The following FGF13 variants were observed in gnomAD, a reference collection of about 807,000 sequenced individuals.
FGF13 encodes fibroblast growth factor 13, also known as fibroblast growth factor homologous factor 2.
Under a neutral mutation model 19.5 loss-of-function variants are expected in FGF13, and 2 were observed. The ratio of observed to expected loss-of-function variants is 0.10; its 90% CI spans 0.04 to 0.32. The LOEUF (loss-of-function observed/expected upper bound fraction) is 0.32. Among genes scored for constraint, FGF13 ranks in the 10% least tolerant of loss-of-function variants. The pLI, the probability that FGF13 is intolerant of heterozygous loss-of-function variation, is 1.00. For synonymous variants in FGF13, 72 were observed against 76.9 expected (o/e 0.94, Z 0.33); for missense variants, 113 against 192.7 (o/e 0.59, Z 2.45).
intron 1 of FGF13, among the ~76,000 whole-genome samples, chrX:139,146,954 C>G (rs953994685): frequency 9.6e-6 from 1 of 104,661 alleles, no homozygotes; most frequent in Non-Finnish European, 2.0e-5. Context: ...GAACATCACA[C>G]ACCGGGGCCT....
chrX:139,047,354 T>A (rs2092290652), intron 1 of FGF13, among the ~76,000 whole-genome samples: 1 of 111,598 alleles, frequency 9.0e-6, no homozygotes, highest in African/African-American at 3.3e-5. Context: ...TCACCTCACA[T>A]CCTTATTATT....
At chrX:138,746,858 G>A (rs2090360171) in intron 3 of FGF13, among the ~76,000 whole-genome samples, 1 of 112,354 alleles carries the variant, frequency 8.9e-6, no homozygotes. Context: ...TCCTTGGCCA[G>A]TGTGGCCAGG....
intron 1 of FGF13, among the ~76,000 whole-genome samples, chrX:138,737,226 G>C (rs769658446): frequency 9.0e-6 from 1 of 111,315 alleles, no homozygotes; most frequent in Non-Finnish European, 1.9e-5. Flanking sequence ...TGTGGATGCG[G>C]TGGCTGGGAC....
chrX:138,789,247 C>A (rs2090719299), intron 3 of FGF13, among the ~76,000 whole-genome samples: 1 of 110,643 alleles, frequency 9.0e-6, no homozygotes, highest in Admixed American at 9.6e-5. Context: ...CAGCTCACTG[C>A]AACCTCCGCC....
At chrX:139,132,424 G>A (rs1355978257) in intron 1 of FGF13, among the ~76,000 whole-genome samples, 1 of 112,319 alleles carries the variant, frequency 8.9e-6, no homozygotes, top group Non-Finnish European at 1.9e-5. Context: ...ATGTAAGAGA[G>A]CATGTTGGTA....
chrX:139,044,710 A>G (rs1272051143), intron 1 of FGF13, among the ~76,000 whole-genome samples: 5 of 111,568 alleles, frequency 4.5e-5, no homozygotes, highest in African/African-American at 1.3e-4. Context: ...CAAGGAAGTC[A>G]TTAAGTCTTA....
intron 1 of FGF13, among the ~76,000 whole-genome samples, chrX:138,724,508 G>A (rs1398310010): frequency 2.7e-5 from 3 of 111,913 alleles, no homozygotes; most frequent in African/African-American, 9.7e-5. Context: ...TTAAAAAGGA[G>A]GAGTTAGCAA....
chrX:138,720,630 C>G (rs774468027), intron 1 of FGF13, among the ~76,000 whole-genome samples: 1 of 111,466 alleles, frequency 9.0e-6, no homozygotes, highest in Non-Finnish European at 1.9e-5. Context: ...TTTCAGAGCC[C>G]AAAGAGGGTG....
chrX:138,773,993 G>A (rs1489767152), intron 3 of FGF13, among the ~76,000 whole-genome samples: 1 of 111,050 alleles, frequency 9.0e-6, no homozygotes, highest in Non-Finnish European at 1.9e-5. Flanking sequence ...AAGCCCCCAT[G>A]AGCCATTCAT....
intron 1 of FGF13, among the ~76,000 whole-genome samples, chrX:139,114,605 G>C (rs2083626414): frequency 9.0e-6 from 1 of 110,597 alleles, no homozygotes; most frequent in Non-Finnish European, 1.9e-5. Context: ...GTTCAACGAG[G>C]AAAAAAAAGT....
chrX:138,943,984 T>A (rs2091770826), intron 1 of FGF13, among the ~76,000 whole-genome samples: 1 of 111,607 alleles, frequency 9.0e-6, no homozygotes, highest in African/African-American at 3.3e-5. Flanking sequence ...ACTGGTTGTT[T>A]AATGAATTCA....
chrX:139,018,205 G>T (rs2092162245), intron 1 of FGF13, among the ~76,000 whole-genome samples: 1 of 111,645 alleles, frequency 9.0e-6, no homozygotes, highest in Admixed American at 9.5e-5. Context: ...CTTCCAGATT[G>T]TATCAAATGT....
Position 138,978,945 on chromosome X carries a change from A to G in FGF13, c.-112-114295T>C, listed in dbSNP as rs191891866. The stretch of plus-strand genomic sequence containing the variant: ...AACTATTCCAAAAAAAATGATAAGC[A>G]TCAAGAGATTTAGGCCCCATGATGA... On this transcript the variant is annotated intron_variant, in intron 1 of 2. Coordinates refer to the FGF13 transcript ENST00000421460. 1.4e-3 allele frequency among the ~76,000 whole-genome samples: 153 copies of G among 112,543 alleles called. 3 individuals are homozygous for G. The Middle Eastern group carries it at 0.023, about 17-fold the overall frequency.
intron 3 of FGF13, among the ~76,000 whole-genome samples, chrX:138,647,301 A>C (rs2124121384): frequency 9.0e-6 from 1 of 111,082 alleles, no homozygotes; most frequent in East Asian, 2.8e-4. Context: ...AAAGCTCATT[A>C]AAACAAGACA....
At position 138,904,928 on chromosome X, in the gene FGF13, A is replaced by G. The variant is rs149427231; in HGVS notation, c.-112-40278T>C. Among the ~76,000 whole-genome samples the G allele has an allele frequency of 3.2e-3, 357 of 112,408 alleles. 10 individuals are homozygous for G. The East Asian group carries it at 0.083, about 26-fold the overall frequency. On this transcript the variant is annotated intron_variant, in intron 1 of 2. Transcript: ENST00000421460. ...GAATCTAAGTGTCAGGACTCTTTCT[A>G]TTAGAGATTTAGTCGTTACCTGCAA...
chrX:139,134,434 G>C (rs753228921), intron 1 of FGF13, among the ~76,000 whole-genome samples: 1 of 111,199 alleles, frequency 9.0e-6, no homozygotes, highest in African/African-American at 3.3e-5. Flanking sequence ...TTCATGGAAC[G>C]CCTTTCTCCT....
intron 1 of FGF13, among the ~76,000 whole-genome samples, chrX:138,974,551 C>G (rs772710780): frequency 1.8e-5 from 2 of 112,170 alleles, no homozygotes; most frequent in African/African-American, 6.5e-5. Context: ...CTTTCAACAG[C>G]CTTTTCACTG....
intron 2 of FGF13, among the ~76,000 whole-genome samples, chrX:138,861,753 A>G (rs1283225259): frequency 1.8e-5 from 2 of 112,168 alleles, no homozygotes; most frequent in Admixed American, 9.4e-5. Context: ...CTGTAATCTC[A>G]GCATTTTGGG....
chrX:138,761,698 C>T (rs2090467895), intron 3 of FGF13, among the ~76,000 whole-genome samples: 1 of 111,751 alleles, frequency 8.9e-6, no homozygotes, highest in Non-Finnish European at 1.9e-5. Context: ...TGTCCACCTC[C>T]AGAGGATATT....
Sources: allele counts gnomAD v4.1 joint callset (sites outside exome capture counted in the v4.1 genomes callset), GRCh38; gene constraint gnomAD v4.1.1; transcripts MANE v1.5; gene names NCBI Gene and HGNC (gene_info 2026-07-23, HGNC 2026-07-21).